The following CNTNAP2 variants were observed in gnomAD, a reference collection of about 807,000 sequenced individuals.
The protein encoded by CNTNAP2 is contactin-associated protein-like 2.
In CNTNAP2, 98 loss-of-function variants were observed where a neutral mutation model predicts 155.2. The ratio of observed to expected loss-of-function variants is 0.63; its 90% CI spans 0.54 to 0.75. CNTNAP2 has a LOEUF of 0.75. CNTNAP2 is among the 30% of genes least tolerant of loss of function. CNTNAP2 has a pLI of 0.00. For missense variants in CNTNAP2, 1,727 were observed against 1,688.1 expected, an observed-to-expected ratio of 1.02 and a Z score of -0.40; for synonymous variants, 651 against 631.2, an observed-to-expected ratio of 1.03 and a Z score of -0.47.
chr7:147,456,082 A>G (rs1279693806), intron 10 of CNTNAP2, among the ~76,000 whole-genome samples: 1 of 152,164 alleles, frequency 6.6e-6, no homozygotes. Flanking sequence ...CTATATTTGT[A>G]TATATAGTTT....
intron 20 of CNTNAP2, among the ~76,000 whole-genome samples, chr7:148,258,317 C>T (rs1796493349): frequency 6.6e-6 from 1 of 152,198 alleles, no homozygotes; most frequent in Admixed American, 6.5e-5. Flanking sequence ...CCTGGACTAG[C>T]AGGAGAGTCA....
intron 1 of CNTNAP2, among the ~76,000 whole-genome samples, chr7:146,497,307 A>C (rs1797232855): frequency 6.6e-6 from 1 of 152,166 alleles, no homozygotes; most frequent in Non-Finnish European, 1.5e-5. Flanking sequence ...TTTTCTGATT[A>C]AAACATTGTT....
At chr7:147,621,570 C>CT (rs1254273344) in intron 12 of CNTNAP2, among the ~76,000 whole-genome samples, 1 of 151,052 alleles carries the variant, frequency 6.6e-6, no homozygotes, top group Admixed American at 6.9e-5. Flanking sequence ...TTGTTATCAG[C>CT]TTAAAAAAAT....
intron 14 of CNTNAP2, among the ~76,000 whole-genome samples, chr7:147,950,616 C>T (rs1574301): frequency 0.26 from 38,817 of 152,100 alleles, 5,973 homozygotes; most frequent in Middle Eastern, 0.39. Context: ...CCCCAGCCTG[C>T]AATACCTGGT....
chr7:146,163,451 A>G (rs1798255907), intron 1 of CNTNAP2, among the ~76,000 whole-genome samples: 1 of 148,570 alleles, frequency 6.7e-6, no homozygotes, highest in African/African-American at 2.4e-5. Flanking sequence ...CATCTCTACT[A>G]GAAATATCAC....
rs562975914 is a variant in CNTNAP2, at chr7:146,153,283, G to A, written c.97+36310G>A. Among the ~76,000 whole-genome samples, 17 of 152,198 alleles carry A rather than the reference G, an allele frequency of 1.1e-4. No individual in the cohort carries two copies. The South Asian group carries it at 1.4e-3, about 13-fold the overall frequency. On this transcript the variant is annotated intron_variant, in intron 1 of 23. Coordinates refer to ENST00000361727, the MANE Select transcript of CNTNAP2 (RefSeq NM_014141.6). ...AACTAATTATCGAGTACAGTTACACGTTCCAACCAGAGCTATGTTGAACTA... is the reference window on the plus strand; with the variant it reads ...AACTAATTATCGAGTACAGTTACACATTCCAACCAGAGCTATGTTGAACTA...
chr7:147,856,751 A>G (rs1456537999), intron 13 of CNTNAP2, among the ~76,000 whole-genome samples: 1 of 152,170 alleles, frequency 6.6e-6, no homozygotes, highest in Non-Finnish European at 1.5e-5. Context: ...TAAAGGAGTA[A>G]TCATACAGAA....
intron 1 of CNTNAP2, among the ~76,000 whole-genome samples, chr7:146,755,074 T>G (rs1196731336): frequency 2.0e-5 from 3 of 151,916 alleles, no homozygotes; most frequent in Non-Finnish European, 4.4e-5. Flanking sequence ...AGGGTGATAC[T>G]CTCCTGCAAT....
intron 11 of CNTNAP2, among the ~76,000 whole-genome samples, chr7:147,539,984 AT>A (rs1417554309): frequency 1.3e-5 from 2 of 152,142 alleles, no homozygotes; most frequent in African/African-American, 4.8e-5. Context: ...CCTCTCTATA[AT>A]TGCTATTCCT....
At chr7:147,519,466 A>G (rs1033320981) in intron 11 of CNTNAP2, among the ~76,000 whole-genome samples, 2 of 152,194 alleles carry the variant, frequency 1.3e-5, no homozygotes, top group African/African-American at 4.8e-5. Flanking sequence ...TTGTCATATA[A>G]AGTAATTTAT....
intron 8 of CNTNAP2, among the ~76,000 whole-genome samples, chr7:147,272,352 G>A (rs1451841914): frequency 4.5e-3 from 1 of 224 alleles, no homozygotes; most frequent in Non-Finnish European, 7.8e-3. Context: ...GAATTTATTT[G>A]CATGTATACG....
At chr7:147,998,555 G>A (rs557925028) in intron 15 of CNTNAP2, among the ~76,000 whole-genome samples, 2 of 152,256 alleles carry the variant, frequency 1.3e-5, no homozygotes, top group East Asian at 3.9e-4. Flanking sequence ...CTCTTTAAAA[G>A]GAAACACATA....
intron 21 of CNTNAP2, among the ~76,000 whole-genome samples, chr7:148,339,974 AGTGTGTGTGT>A (rs10603520): frequency 3.5e-3 from 500 of 144,878 alleles, no homozygotes; most frequent in African/African-American, 0.01. Flanking sequence ...TCCTTCGTGC[AGTGTGTGTGT>A]GTGTGTGTGT....
At chr7:146,805,775 A>G (rs1446510924) in intron 2 of CNTNAP2, among the ~76,000 whole-genome samples, 3 of 152,212 alleles carry the variant, frequency 2.0e-5, no homozygotes, top group African/African-American at 7.2e-5. Flanking sequence ...AGTTGTAGAA[A>G]GTTTGCACAA....
intron 3 of CNTNAP2, among the ~76,000 whole-genome samples, chr7:146,910,389 A>G (rs1403902256): frequency 9.4e-5 from 14 of 149,012 alleles, no homozygotes; most frequent in Non-Finnish European, 2.1e-4. Flanking sequence ...GCATCACACT[A>G]CCTGACTTCA....
chr7:147,078,895 G>A (rs1405264725), intron 4 of CNTNAP2, among the ~76,000 whole-genome samples: 2 of 151,866 alleles, frequency 1.3e-5, no homozygotes, highest in Non-Finnish European at 2.9e-5. Context: ...GATTACAGGT[G>A]TGCGCCACCA....
At chr7:146,306,441 A>G (rs75338754) in intron 1 of CNTNAP2, among the ~76,000 whole-genome samples, 1 of 152,066 alleles carries the variant, frequency 6.6e-6, no homozygotes, top group Non-Finnish European at 1.5e-5. Context: ...GAAACACAAC[A>G]AAAAAAGAGA....
At chr7:147,756,699 C>T (rs1797217756) in intron 13 of CNTNAP2, among the ~76,000 whole-genome samples, 1 of 152,106 alleles carries the variant, frequency 6.6e-6, no homozygotes, top group Admixed American at 6.5e-5. Context: ...AAAGATGCTT[C>T]TAGAAGGGAC....
intron 8 of CNTNAP2, among the ~76,000 whole-genome samples, chr7:147,298,821 ATTC>A (rs1362114626): frequency 3.3e-5 from 5 of 152,238 alleles, no homozygotes; most frequent in Non-Finnish European, 5.9e-5. Context: ...ACTAAACATT[ATTC>A]TTCTTTTGAT....
Sources: gnomAD v4.1 joint callset for allele counts (sites outside exome capture counted in the v4.1 genomes callset) on GRCh38, gnomAD v4.1.1 for gene constraint, MANE v1.5 for transcripts, NCBI Gene and HGNC (gene_info 2026-07-23, HGNC 2026-07-21) for gene names.